The following RYR2 variants were observed in gnomAD, a reference collection of about 807,000 sequenced individuals.
RYR2 encodes the protein ryanodine receptor 2.
A neutral mutation model predicts 601.1 loss-of-function variants in RYR2; 227 were observed. That is an observed-to-expected ratio of 0.38 (90% CI 0.34 to 0.42). The LOEUF (loss-of-function observed/expected upper bound fraction) is 0.42. Among genes scored for constraint, RYR2 ranks in the 10% least tolerant of loss-of-function variants. The pLI is 1.00. For synonymous variants in RYR2, 2,223 were observed against 2,175.1 expected, an observed-to-expected ratio of 1.02 and a Z score of -0.61; for missense variants, 4,646 against 6,156.5, an observed-to-expected ratio of 0.75 and a Z score of 8.21.
intron 24 of RYR2, among the ~76,000 whole-genome samples, chr1:237,526,632 C>G (rs1470527880): frequency 6.6e-6 from 1 of 152,182 alleles, no homozygotes. Context: ...TAGGCATGAA[C>G]CACCATGCCT....
intron 2 of RYR2, among the ~76,000 whole-genome samples, chr1:237,306,431 A>G (rs1045214767): frequency 2.6e-5 from 4 of 152,220 alleles, no homozygotes; most frequent in African/African-American, 7.2e-5. Context: ...GGACTATTCT[A>G]TCATTTAATC....
At chr1:237,247,629 G>A (rs930125930) in intron 1 of RYR2, among the ~76,000 whole-genome samples, 1 of 152,108 alleles carries the variant, frequency 6.6e-6, no homozygotes, top group Admixed American at 6.6e-5. Flanking sequence ...CAGCCATTGT[G>A]GCTCATCCAG....
intron 7 of RYR2, among the ~76,000 whole-genome samples, chr1:237,376,542 T>C (rs1421466700): frequency 6.6e-6 from 1 of 152,150 alleles, no homozygotes; most frequent in Non-Finnish European, 1.5e-5. Context: ...AACACTCCTC[T>C]GATTTTGGGA....
At chr1:237,396,746 A>G (rs1702891037) in intron 10 of RYR2, among the ~76,000 whole-genome samples, 1 of 152,216 alleles carries the variant, frequency 6.6e-6, no homozygotes, top group African/African-American at 2.4e-5. Flanking sequence ...CCCAGACTTA[A>G]AAGACATTCA....
Position 237,576,485 on chromosome 1 carries a change from G to T in RYR2, c.3598+7166G>T, listed in dbSNP as rs77877047. Among the ~76,000 whole-genome samples, 1,372 of 152,248 alleles carry T rather than the reference G, an allele frequency of 9.0e-3. 9 individuals are homozygous for T. The highest frequency in any genetic ancestry group is 0.013 in the Non-Finnish European group (864 of 68,020). ...AGATGCCATAGAACATGATGAGGTA[G>T]TGTGTCAGTATGTTGGAGAAAAGAG... On this transcript the variant is annotated intron_variant, in intron 29 of 104. Coordinates refer to ENST00000366574, the MANE Select transcript of RYR2 (RefSeq NM_001035.3).
At chr1:237,566,829 C>G in intron 28 of RYR2, 54 bp downstream of exon 28, 4 of 1,552,520 alleles carry the variant, frequency 2.6e-6, no homozygotes. Flanking sequence ...GGCTCATCTC[C>G]TCTGCTGTTC....
intron 77 of RYR2, among the ~76,000 whole-genome samples, chr1:237,731,334 G>A (rs1475766384): frequency 2.6e-5 from 4 of 151,836 alleles, no homozygotes; most frequent in South Asian, 2.1e-4. Flanking sequence ...AATTTTCCTC[G>A]CTATTAAAGT....
intron 1 of RYR2, among the ~76,000 whole-genome samples, chr1:237,053,661 C>G (rs1159325233): frequency 6.6e-6 from 1 of 152,208 alleles, no homozygotes; most frequent in Non-Finnish European, 1.5e-5. Flanking sequence ...ATGCTTCTTG[C>G]TGGACTTATA....
intron 10 of RYR2, among the ~76,000 whole-genome samples, chr1:237,413,805 A>C (rs1704672734): frequency 6.6e-6 from 1 of 151,942 alleles, no homozygotes; most frequent in African/African-American, 2.4e-5. Flanking sequence ...TTTGTTCTCT[A>C]TATGTCTTCA....
intron 49 of RYR2, among the ~76,000 whole-genome samples, chr1:237,649,048 C>T (rs1001523775): frequency 3.9e-5 from 6 of 152,156 alleles, no homozygotes; most frequent in African/African-American, 7.2e-5. Flanking sequence ...TTGGTATCTT[C>T]GTTTGTTAAG....
chr1:237,681,717 T>C (rs2148942324), intron 62 of RYR2, among the ~76,000 whole-genome samples: 1 of 152,302 alleles, frequency 6.6e-6, no homozygotes, highest in East Asian at 1.9e-4. Context: ...CCTTCCCACT[T>C]GAACATGGCC....
Position 237,796,612 on chromosome 1 carries a change from C to G in RYR2, c.13956+1281C>G, listed in dbSNP as rs75057364. On this transcript the variant is annotated intron_variant, in intron 96 of 104. Transcript: ENST00000366574. ...TCCCTTCTTTTCATCAGTATATTTC[C>G]TTCTTCATTCACTTCAATCTTGTTC... Among the ~76,000 whole-genome samples the G allele has an allele frequency of 3.5e-3, 537 of 152,048 alleles. 4 individuals carry two copies. Among genetic ancestry groups the G allele is most frequent in the African/African-American group, 0.012 (510 of 41,462 alleles).
chr1:237,429,037 T>TC lies in RYR2; in HGVS notation c.1005+5789_1005+5790insC, dbSNP rs375016742. Among the ~76,000 whole-genome samples the TC allele has an allele frequency of 3.4e-5, 3 of 88,330 alleles. No homozygotes were observed. The East Asian group carries it at 2.0e-3, about 60-fold the overall frequency. The allele number at this position is 88,330 out of a possible 152,430, so 57.9% of individuals were successfully genotyped here. ...CATTCATTTTGTTCACTCAGGAATA[T>TC]TGCAGGGCTGACTTGAGCGGGACTG... On this transcript the variant is annotated intron_variant, in intron 12 of 104. Transcript: ENST00000366574.
intron 4 of RYR2, among the ~76,000 whole-genome samples, chr1:237,363,887 C>T (rs985857499): frequency 1.3e-5 from 2 of 152,050 alleles, no homozygotes; most frequent in Non-Finnish European, 2.9e-5. Context: ...AAACGAGAGC[C>T]GCTCATTGCA....
At chr1:237,205,925 C>A (rs963674386) in intron 1 of RYR2, among the ~76,000 whole-genome samples, 2 of 152,204 alleles carry the variant, frequency 1.3e-5, no homozygotes, top group South Asian at 4.1e-4. Flanking sequence ...GTGAGTCAGA[C>A]CCGCGACTGG....
chr1:237,651,572 A>C (rs1682736059), intron 51 of RYR2, 71 bp downstream of exon 51: 1 of 976,352 alleles, frequency 1.0e-6, no homozygotes, highest in Admixed American at 2.3e-5. Context: ...GACAACATAT[A>C]CATTTCTTAG....
chr1:237,420,891 A>G (rs1290660003), intron 11 of RYR2, among the ~76,000 whole-genome samples: 1 of 146,998 alleles, frequency 6.8e-6, no homozygotes, highest in East Asian at 1.9e-4. Context: ...GGAAACAAAT[A>G]TTAAACATAT....
At chr1:237,403,079 G>A (rs746616831) in intron 10 of RYR2, among the ~76,000 whole-genome samples, 10 of 152,134 alleles carry the variant, frequency 6.6e-5, no homozygotes, top group Non-Finnish European at 1.2e-4. Flanking sequence ...ATGGATGGAG[G>A]GAGACAAAGA....
intron 27 of RYR2, among the ~76,000 whole-genome samples, chr1:237,555,824 T>C (rs1331641574): frequency 6.6e-6 from 1 of 152,132 alleles, no homozygotes; most frequent in Non-Finnish European, 1.5e-5. Flanking sequence ...TTTATAACCT[T>C]GAGTCTTCAA....
Sources: gnomAD v4.1 joint callset for allele counts (sites outside exome capture counted in the v4.1 genomes callset) on GRCh38, gnomAD v4.1.1 for gene constraint, MANE v1.5 for transcripts, NCBI Gene and HGNC (gene_info 2026-07-23, HGNC 2026-07-21) for gene names.